DYNC2I1: variants seen among roughly 807,000 people sequenced by gnomAD.
DYNC2I1 encodes cytoplasmic dynein 2 intermediate chain 1.
A neutral mutation model predicts 133.4 loss-of-function variants in DYNC2I1; 89 were observed. That is an observed-to-expected ratio of 0.67 (90% CI 0.56 to 0.80). DYNC2I1 has a LOEUF of 0.80. Ranked by LOEUF, DYNC2I1 falls within the 30% of genes least tolerant of loss-of-function variation. DYNC2I1 has a pLI of 0.00. For missense variants in DYNC2I1, 1,291 were observed against 1,314.5 expected, an observed-to-expected ratio of 0.98 and a Z score of 0.28; for synonymous variants, 504 against 484.3, an observed-to-expected ratio of 1.04 and a Z score of -0.54.
intron 1 of DYNC2I1, among the ~76,000 whole-genome samples, chr7:158,858,411 G>A (rs533430129): frequency 6.6e-6 from 1 of 152,304 alleles, no homozygotes; most frequent in South Asian, 2.1e-4. Flanking sequence ...AATGTTTCTG[G>A]TGTCAGGGTC....
At chr7:158,842,084 A>G in the DYNC2I1 span, among the ~76,000 whole-genome samples, 2 of 152,194 alleles carry the variant, frequency 1.3e-5, no homozygotes, top group African/African-American at 4.8e-5. Context: ...GCTGGAGCGC[A>G]GTGGCACCAT....
intron 8 of DYNC2I1, among the ~76,000 whole-genome samples, chr7:158,897,276 G>A (rs907541689): frequency 1.3e-5 from 2 of 152,136 alleles, no homozygotes; most frequent in Non-Finnish European, 2.9e-5. Context: ...TGGTATTACA[G>A]GTGTGAGCTA....
Position 158,882,288 on chromosome 7 carries a change from A to C in DYNC2I1, c.880-2276A>C, listed in dbSNP as rs149830380. The stretch of plus-strand genomic sequence containing the variant: ...TAGGATAAAGAACTACCAAAAAAAA[A>C]CCACCTAAATCTCAGATAGGTGTGG... On this transcript the variant is annotated intron_variant, in intron 5 of 24. Transcript: ENST00000407559. 2.1e-4 allele frequency among the ~76,000 whole-genome samples: 32 copies of C among 152,270 alleles called. No homozygotes were observed. In the East Asian group the frequency reaches 4.1e-3, roughly 19 times the overall value.
intron 4 of DYNC2I1, 73 bp from the exon 5 acceptor site, chr7:158,879,611 C>A: frequency 2.1e-6 from 3 of 1,460,840 alleles, no homozygotes; most frequent in East Asian, 2.3e-5. Context: ...GTTGCAGAAC[C>A]CACAGAGAGG....
At position 158,942,137 on chromosome 7, in the gene DYNC2I1, C is replaced by G; in HGVS notation, c.2991C>G (p.Val997=). 1 of 1,551,290 alleles carries G rather than the reference C, an allele frequency of 6.4e-7. No individual in the cohort carries two copies. Among genetic ancestry groups the G allele is most frequent in the Non-Finnish European group, 8.7e-7 (1 of 1,145,442 alleles). The change falls in exon 24 of 25, where the codon GTC becomes GTG. Residue 997 remains valine (V), a synonymous_variant. Coordinates refer to ENST00000407559, the MANE Select transcript of DYNC2I1 (RefSeq NM_018051.5). ...SDLGPVAKQQ[V]SPNRLVAMAA... The stretch of plus-strand genomic sequence containing the variant: ...TGGGTCCTGTCGCCAAACAGCAGGT[C>G]TCCCCCAACAGGCAAGTGGGGAAGC...
intron 10 of DYNC2I1, among the ~76,000 whole-genome samples, chr7:158,905,539 C>T (rs552872859): frequency 1.5e-4 from 23 of 152,324 alleles, no homozygotes; most frequent in African/African-American, 4.8e-4. Context: ...TGAGGAAGCT[C>T]ATGCCTTCAT....
intron 3 of DYNC2I1, among the ~76,000 whole-genome samples, chr7:158,872,840 AAAAG>A (rs917296258): frequency 4.6e-5 from 7 of 152,058 alleles, no homozygotes; most frequent in Non-Finnish European, 1.0e-4. Flanking sequence ...CTACTGAAAA[AAAAG>A]AAAAGCAAAA....
At chr7:158,844,454 G>T in the DYNC2I1 span, among the ~76,000 whole-genome samples, 3 of 152,066 alleles carry the variant, frequency 2.0e-5, 1 homozygote, top group South Asian at 6.2e-4. Flanking sequence ...CGTGGGAATT[G>T]GGGTGGGTGG....
At chr7:158,925,800 C>T (rs1376143885) in intron 17 of DYNC2I1, among the ~76,000 whole-genome samples, 1 of 152,160 alleles carries the variant, frequency 6.6e-6, no homozygotes, top group Non-Finnish European at 1.5e-5. Flanking sequence ...CTGCTCCGAC[C>T]TCCTCTGCCT....
At chr7:158,958,417 C>T (rs1271245848), downstream of DYNC2I1, among the ~76,000 whole-genome samples, 1 of 152,356 alleles carries the variant, frequency 6.6e-6, no homozygotes, top group East Asian at 1.9e-4. Flanking sequence ...GTGCGCGGAT[C>T]AGCTGCTGGT....
At chr7:158,938,479 T>C (rs765623390) in intron 23 of DYNC2I1, among the ~76,000 whole-genome samples, 1 of 152,158 alleles carries the variant, frequency 6.6e-6, no homozygotes, top group Non-Finnish European at 1.5e-5. Context: ...AAAGGGAGGC[T>C]GGGCATGGTG....
intron 7 of DYNC2I1, among the ~76,000 whole-genome samples, chr7:158,888,289 C>T (rs896441437): frequency 1.3e-5 from 2 of 152,028 alleles, no homozygotes; most frequent in African/African-American, 2.4e-5. Context: ...TCCCAAAGTG[C>T]TGGGATTACA....
rs143987159 is a variant in DYNC2I1, at chr7:158,901,167, C to T, written c.1060-572C>T. Among the ~76,000 whole-genome samples the T allele has an allele frequency of 1.1e-3, 169 of 152,286 alleles. 1 individual carries two copies. The Middle Eastern group carries it at 0.014, about 12-fold the overall frequency. On this transcript the variant is annotated intron_variant, in intron 8 of 24. Coordinates refer to ENST00000407559, the MANE Select transcript of DYNC2I1 (RefSeq NM_018051.5). ...CTCACTGCAACGTCTGCCTCCCAGGCTCAAGCAGTCCTCTCACCTCAGCCT... is the reference window on the plus strand; with the variant it reads ...CTCACTGCAACGTCTGCCTCCCAGGTTCAAGCAGTCCTCTCACCTCAGCCT...
chr7:158,910,382 A>G (rs1847290846), intron 11 of DYNC2I1, among the ~76,000 whole-genome samples: 2 of 138,072 alleles, frequency 1.4e-5, no homozygotes, highest in Non-Finnish European at 1.5e-5. Flanking sequence ...GGGCGATTGG[A>G]GGGCGATCAG....
At chr7:158,938,720 C>T (rs1172116491) in intron 23 of DYNC2I1, among the ~76,000 whole-genome samples, 1 of 152,054 alleles carries the variant, frequency 6.6e-6, no homozygotes, top group Non-Finnish European at 1.5e-5. Context: ...TGCACCACCG[C>T]ACTCCAGTCT....
At chr7:158,932,915 G>A (rs1464025037) in intron 21 of DYNC2I1, among the ~76,000 whole-genome samples, 1 of 152,196 alleles carries the variant, frequency 6.6e-6, no homozygotes, top group Non-Finnish European at 1.5e-5. Context: ...TTGGTGACTG[G>A]GCACCACTTG....
chr7:158,924,607 G>C (rs549977605), intron 17 of DYNC2I1, among the ~76,000 whole-genome samples: 1 of 152,282 alleles, frequency 6.6e-6, no homozygotes, highest in East Asian at 1.9e-4. Context: ...GGGTTGCGAT[G>C]CTATTTTAAA....
At chr7:158,894,132 A>ATACCGCATATCCTACCGCATATCT (rs139043710) in intron 8 of DYNC2I1, among the ~76,000 whole-genome samples, 1 of 150,954 alleles carries the variant, frequency 6.6e-6, no homozygotes, top group African/African-American at 2.4e-5. Context: ...ACCGCATATC[A>ATACCGCATATCCTACCGCATATCT]TACCGCATAT....
intron 20 of DYNC2I1, among the ~76,000 whole-genome samples, chr7:158,928,607 T>C (rs948591320): frequency 6.6e-6 from 1 of 152,178 alleles, no homozygotes; most frequent in Non-Finnish European, 1.5e-5. Flanking sequence ...ATGTATTCTT[T>C]ATGCGGCACC....
Sources: allele counts gnomAD v4.1 joint callset (sites outside exome capture counted in the v4.1 genomes callset), GRCh38; gene constraint gnomAD v4.1.1; transcripts MANE v1.5; gene names NCBI Gene and HGNC (gene_info 2026-07-23, HGNC 2026-07-21).